The following ERCC3 variants were observed in gnomAD, a reference collection of about 807,000 sequenced individuals.
ERCC3 encodes the protein general transcription and DNA repair factor IIH helicase/translocase subunit XPB.
A neutral mutation model predicts 94.2 loss-of-function variants in ERCC3; 66 were observed. That is an observed-to-expected ratio of 0.70 (90% CI 0.57 to 0.86). The LOEUF is 0.86. Ranked by LOEUF, ERCC3 falls within the 40% of genes least tolerant of loss-of-function variation. The pLI is 0.00. For synonymous variants in ERCC3, 349 were observed against 369.1 expected, an observed-to-expected ratio of 0.95 and a Z score of 0.63; for missense variants, 829 against 987.1, an observed-to-expected ratio of 0.84 and a Z score of 2.15.
intron 12 of ERCC3, among the ~76,000 whole-genome samples, chr2:127,267,858 T>C (rs1016170592): frequency 1.3e-5 from 2 of 152,220 alleles, no homozygotes; most frequent in Non-Finnish European, 2.9e-5. Flanking sequence ...TCTTTGCTCA[T>C]GTAGCTTAGT....
In ERCC3 at chr2:127,272,853, T is replaced by C. The variant is rs371972918; in HGVS notation, c.1827+12A>G. ...CTAGGGGCCTCACCTCCACCCCATA[T>C]GCCACACAAACCTTGGATATGAAGA... is the stretch of plus-strand genomic sequence containing the variant. On this transcript the variant is annotated intron_variant, in intron 11 of 14. Transcript: ENST00000285398. The C allele has an allele frequency of 6.3e-7, 1 of 1,588,846 alleles. No individual in the cohort carries two copies. The highest frequency in any genetic ancestry group is 8.6e-7 in the Non-Finnish European group (1 of 1,157,082).
At position 127,279,209 on chromosome 2, in the gene ERCC3, A is replaced by G; in HGVS notation, c.1694T>C (p.Val565Ala). Residue 565 changes from valine (V) to alanine (A), a missense_variant, in exon 10 of 15, where the codon GTG (valine) becomes GCG (alanine). Val to Ala is a moderately conservative substitution (Grantham distance 64). Transcript: ENST00000285398. The surrounding 1 kb of genome is among the most constrained non-coding windows in gnomAD (Gnocchi z 4.7). ...AATGGCATATTCCTTTAGGGCAAAC[A>G]CATTGTCAGCAAAGACAATAATCTT... ...NDKIIVFADN[V>A]FALKEYAIRL... The G allele has an allele frequency of 6.2e-7, 1 of 1,613,758 alleles. No individual in the cohort carries two copies. The highest frequency in any genetic ancestry group is 8.5e-7 in the Non-Finnish European group (1 of 1,179,622).
intron 8 of ERCC3, among the ~76,000 whole-genome samples, chr2:127,283,569 T>C (rs570351970): frequency 2.0e-5 from 3 of 152,330 alleles, no homozygotes; most frequent in Non-Finnish European, 4.4e-5. Context: ...GTAAACCTCT[T>C]TTCATGTATC....
chr2:127,289,234 A>C (rs1573960634), intron 6 of ERCC3, 103 bp downstream of exon 6: 1 of 1,006,932 alleles, frequency 9.9e-7, no homozygotes, highest in Non-Finnish European at 1.6e-6. Context: ...ACCAACAGGG[A>C]CTCCTTCCTT....
chr2:127,276,073 T>G (rs1237600532), intron 10 of ERCC3, among the ~76,000 whole-genome samples: 4 of 152,116 alleles, frequency 2.6e-5, no homozygotes, highest in African/African-American at 9.7e-5. Context: ...GGAGGCTTAT[T>G]CTCCAGGGAT....
intron 12 of ERCC3, among the ~76,000 whole-genome samples, chr2:127,263,864 C>T (rs984605178): frequency 3.9e-5 from 6 of 152,110 alleles, no homozygotes; most frequent in Non-Finnish European, 7.4e-5. Flanking sequence ...CCTGCCACCA[C>T]GCCCGGCTAA....
rs2104771303 is a variant in ERCC3 at position 127,286,892 on chromosome 2, C to T, written c.1153G>A (p.Asp385Asn). 1.2e-6 allele frequency: 2 copies of T among 1,614,184 alleles called. No individual in the cohort carries two copies. Among genetic ancestry groups the T allele is most frequent in the Non-Finnish European group, 1.7e-6 (2 of 1,180,040 alleles). The stretch of plus-strand genomic sequence containing the variant: ...GTGAACCGGCAGATCTGGCTGTCGT[C>T]AATGGTGGACCACATCTTGAACTGG... Reference protein sequence around the residue: ...KAQFKMWSTIDDSQICRFTSD... With the variant: ...KAQFKMWSTINDSQICRFTSD... The change falls in exon 8 of 15, where the codon GAC becomes AAC. Residue 385 changes from aspartate (D) to asparagine (N), a missense_variant. Transcript: ENST00000285398.
Position 127,284,272 on chromosome 2 carries a change from C to T in ERCC3, c.1342+2431G>A, listed in dbSNP as rs1022719132. On this transcript the variant is annotated intron_variant, in intron 8 of 14. Coordinates refer to ENST00000285398, the MANE Select transcript of ERCC3 (RefSeq NM_000122.2). This position sits in a 1 kb window ranked among gnomAD's most constrained non-coding sequence, Gnocchi z 4.1. ...AACTCATGTCATGCTCTGCTCAAAT[C>T]CCTCAGATGGCTTCACACTAAGAGT... 6.6e-6 allele frequency: 1 copy of T among 152,286 alleles called. No homozygotes were observed. The highest frequency in any genetic ancestry group is 2.4e-5 in the African/African-American group (1 of 41,464). The allele number at this position is 152,286 out of a possible 1,614,324, so 9.4% of individuals were successfully genotyped here.
In ERCC3 at chr2:127,288,714, G is replaced by A. The variant is rs368191279; in HGVS notation, c.973C>T (p.Arg325Ter). 23 of 1,614,042 alleles carry A rather than the reference G, an allele frequency of 1.4e-5. No individual in the cohort carries two copies. Among genetic ancestry groups the A allele is most frequent in the East Asian group, 2.2e-5 (1 of 44,878 alleles). Residue 325 changes from arginine to a stop codon, truncating the protein, a stop_gained, in exon 7 of 15, where the codon CGA becomes TGA. Coordinates refer to ENST00000285398, the MANE Select transcript of ERCC3 (RefSeq NM_000122.2). LOFTEE classifies it high-confidence loss of function. ...VLRPYQEKSL[R>*]KMFGNGRARS... is the part of the protein sequence containing the mutation. Reference sequence around the variant, plus strand: ...GCACGCCCGTTTCCAAACATCTTTCGCAAGCTCTTCTCCTGATAGGGTCTG... The same window carrying A: ...GCACGCCCGTTTCCAAACATCTTTCACAAGCTCTTCTCCTGATAGGGTCTG...
Position 127,272,890 on chromosome 2 carries a change from T to C in ERCC3, c.1802A>G (p.Lys601Arg), listed in dbSNP as rs1684606005. Residue 601 changes from lysine to arginine, a missense_variant, in exon 11 of 15, where the codon AAA (lysine) becomes AGA (arginine). Physicochemically the swap from Lys to Arg is conservative, Grantham distance 26. Transcript: ENST00000285398. ...CTTGGATATGAAGATGGTGTTAATTTTGGGGTTGTGCTTGAAATTCTGGAG... is the reference window on the plus strand; with the variant it reads ...CTTGGATATGAAGATGGTGTTAATTCTGGGGTTGTGCTTGAAATTCTGGAG... Reference protein sequence around the residue: ...QILQNFKHNPKINTIFISKVG... With the variant: ...QILQNFKHNPRINTIFISKVG... The C allele has an allele frequency of 6.2e-7, 1 of 1,613,614 alleles. No individual in the cohort carries two copies. Among genetic ancestry groups the C allele is most frequent in the South Asian group, 1.1e-5 (1 of 91,066 alleles).
chr2:127,270,877 G>A (rs1684526310), intron 12 of ERCC3, among the ~76,000 whole-genome samples: 1 of 152,220 alleles, frequency 6.6e-6, no homozygotes, highest in African/African-American at 2.4e-5. Context: ...CTGCCACCAG[G>A]GCGGCACTCT....
In ERCC3 at chr2:127,274,635, T is replaced by C. The variant is rs556504592; in HGVS notation, c.1731-1674A>G. On this transcript the variant is annotated intron_variant, in intron 10 of 14. Coordinates refer to ENST00000285398, the MANE Select transcript of ERCC3 (RefSeq NM_000122.2). The surrounding 1 kb of genome is among the most constrained non-coding windows in gnomAD (Gnocchi z 4.0). Reference sequence around the variant, plus strand: ...CAAGCTGCCTTGCCGTGATCCAGAATGTCCCGGCCACCACATAATTTTATC... The same window carrying C: ...CAAGCTGCCTTGCCGTGATCCAGAACGTCCCGGCCACCACATAATTTTATC... Among the ~76,000 whole-genome samples the C allele has an allele frequency of 3.0e-4, 46 of 152,362 alleles. 1 individual carries two copies. The highest frequency in any genetic ancestry group is 9.9e-4 in the African/African-American group (41 of 41,594).
Position 127,279,284 on chromosome 2 carries a change from T to G in ERCC3, c.1619A>C (p.Lys540Thr), listed in dbSNP as rs1684834265. The change falls in exon 10 of 15, where the codon AAA (lysine) becomes ACA (threonine). Residue 540 changes from lysine (K) to threonine (T), a missense_variant. Transcript: ENST00000285398. The surrounding 1 kb of genome is among the most constrained non-coding windows in gnomAD (Gnocchi z 4.7). ...GATCAGAAACTGGCAAGCTCTAAAT[T>G]TGTTGGGGTTCATGGTGTACAGCAA... Reference protein sequence around the residue: ...RILLYTMNPNKFRACQFLIKF... With the variant: ...RILLYTMNPNTFRACQFLIKF... 2 of 1,613,950 alleles carry G rather than the reference T, an allele frequency of 1.2e-6. No individual in the cohort carries two copies. The highest frequency in any genetic ancestry group is 1.7e-6 in the Non-Finnish European group (2 of 1,179,854).
chr2:127,290,949 A>G, intron 3 of ERCC3: 1 of 153,220 alleles, frequency 6.5e-6, no homozygotes, highest in Non-Finnish European at 1.5e-5. Context: ...GGGCATGGTG[A>G]CGGGCGCCTA....
rs770343415 is a variant in ERCC3 at position 127,259,377 on chromosome 2, G to A, written c.2136C>T (p.Leu712=). ...AFSTKEEQQQ[L]LQKVLAATDL... ...CAGTGGCTGCCAGGACTTTCTGTAAGAGCTGCTGTTGCTCTTCTTTTGTCG... is the reference window on the plus strand; with the variant it reads ...CAGTGGCTGCCAGGACTTTCTGTAAAAGCTGCTGTTGCTCTTCTTTTGTCG... Residue 712 remains leucine (L), a synonymous_variant, in exon 14 of 15, where the codon CTC becomes CTT. Coordinates refer to ENST00000285398, the MANE Select transcript of ERCC3 (RefSeq NM_000122.2). This position sits in a 1 kb window ranked among gnomAD's most constrained non-coding sequence, Gnocchi z 4.9. The A allele has an allele frequency of 2.5e-6, 4 of 1,614,190 alleles. No individual in the cohort carries two copies. The highest frequency in any genetic ancestry group is 4.5e-5 in the East Asian group (2 of 44,886).
intron 10 of ERCC3, 127 bp from the exon 11 acceptor site, chr2:127,273,088 C>G (rs987814841): frequency 3.1e-6 from 2 of 654,438 alleles, no homozygotes; most frequent in African/African-American, 3.6e-5. Flanking sequence ...GTAGGAATAT[C>G]GTTACACCCA....
At position 127,259,570 on chromosome 2, in the gene ERCC3, C is replaced by A. The variant is rs1352347972; in HGVS notation, c.2065-122G>T. The A allele has an allele frequency of 2.3e-6, 3 of 1,306,592 alleles. No individual in the cohort carries two copies. Among genetic ancestry groups the A allele is most frequent in the Non-Finnish European group, 3.3e-6 (3 of 911,668 alleles). The allele number at this position is 1,306,592 out of a possible 1,614,324, so 80.9% of individuals were successfully genotyped here. On this transcript the variant is annotated intron_variant, in intron 13 of 14. Coordinates refer to ENST00000285398, the MANE Select transcript of ERCC3 (RefSeq NM_000122.2). The surrounding 1 kb of genome is among the most constrained non-coding windows in gnomAD (Gnocchi z 4.9). ...CCCCAGGCCCAGCCACCCTGGTGGCCAACAATGGAGAGCTCCTCCCTAGCA... is the reference window on the plus strand; with the variant it reads ...CCCCAGGCCCAGCCACCCTGGTGGCAAACAATGGAGAGCTCCTCCCTAGCA...
At chr2:127,273,097 C>CA (rs4150486) in intron 10 of ERCC3, 136 bp from the exon 11 acceptor site, 5 of 633,070 alleles carry the variant, frequency 7.9e-6, no homozygotes, top group Non-Finnish European at 1.4e-5. Flanking sequence ...TCGTTACACC[C>CA]AAAAAAATGA....
At chr2:127,268,566 A>ATTTCT (rs1172448622) in intron 12 of ERCC3, among the ~76,000 whole-genome samples, 14 of 152,160 alleles carry the variant, frequency 9.2e-5, no homozygotes, top group African/African-American at 1.4e-4. Flanking sequence ...CCCAGCCAGG[A>ATTTCT]TTTCTTTTCT....
Sources: gnomAD v4.1 joint callset for allele counts (sites outside exome capture counted in the v4.1 genomes callset) on GRCh38, gnomAD v4.1.1 for gene constraint, Gnocchi (gnomAD v3.1) non-coding constraint, MANE v1.5 for transcripts, NCBI Gene and HGNC (gene_info 2026-07-23, HGNC 2026-07-21) for gene names.